Variants in POC5 observed in about 807,000 individuals in gnomAD.
POC5 encodes the protein centrosomal protein POC5.
POC5 carries 48 observed loss-of-function variants against 62.9 expected under a neutral mutation model. The ratio of observed to expected loss-of-function variants is 0.76; its 90% CI spans 0.61 to 0.97. POC5 has a LOEUF of 0.97. Ranked by LOEUF, POC5 falls within the 50% of genes least tolerant of loss-of-function variation. The pLI, the probability that POC5 is intolerant of heterozygous loss-of-function variation, is 0.00. For synonymous variants in POC5, 236 were observed against 228.2 expected (o/e 1.03, Z -0.31); for missense variants, 696 against 679.5 (o/e 1.02, Z -0.27).
At chr5:75,714,487 T>C (rs1450881120) in intron 1 of POC5, among the ~76,000 whole-genome samples, 1 of 152,028 alleles carries the variant, frequency 6.6e-6, no homozygotes, top group African/African-American at 2.4e-5. Flanking sequence ...GTCTAGGAAG[T>C]AGCAATGGGA....
At chr5:75,678,313 C>A (rs1775752130) in intron 10 of POC5, among the ~76,000 whole-genome samples, 1 of 151,978 alleles carries the variant, frequency 6.6e-6, no homozygotes, top group African/African-American at 2.4e-5. Context: ...ATAACAAAGT[C>A]AAAACCAGGA....
At chr5:75,701,931 T>C (rs10057967) in intron 5 of POC5, among the ~76,000 whole-genome samples, 63,827 of 151,946 alleles carry the variant, frequency 0.42, 13,750 homozygotes, top group South Asian at 0.56. Flanking sequence ...GAGACATTTC[T>C]ATTAGTCACA....
At chr5:75,694,581 A>G in intron 6 of POC5, 74 bp downstream of exon 6, 2 of 1,214,612 alleles carry the variant, frequency 1.6e-6, no homozygotes, top group Non-Finnish European at 2.2e-6. Flanking sequence ...GAGGTAAATA[A>G]TCATTTCTTA....
In POC5 at chr5:75,705,761, C is replaced by T; in HGVS notation, c.250G>A (p.Ala84Thr). 1 of 1,552,258 alleles carries T rather than the reference C, an allele frequency of 6.4e-7. No homozygotes were observed. Among genetic ancestry groups the T allele is most frequent in the East Asian group, 2.4e-5 (1 of 42,098 alleles). Residue 84 changes from alanine to threonine, a missense_variant, in exon 4 of 12, where the codon GCA becomes ACA. Transcript: ENST00000428202. ...TCACATCCTTTTCCAACTTCTATTG[C>T]AGTTTCTCTTACTTCAGAGTTATTT... ...QGNNSEVRET[A>T]IEVGKGCDFH...
At chr5:75,689,559 A>C (rs1035160147) in intron 8 of POC5, 1 of 983,186 alleles carries the variant, frequency 1.0e-6, no homozygotes, top group Admixed American at 6.1e-5. Flanking sequence ...TGCAATATTA[A>C]CAGAATTTTT....
At chr5:75,702,439 G>C (rs2307113) in intron 5 of POC5, among the ~76,000 whole-genome samples, 166 bp downstream of exon 5, 1 of 151,994 alleles carries the variant, frequency 6.6e-6, no homozygotes. Context: ...GCTATGATTC[G>C]TAAGTACATT....
intron 8 of POC5, 37 bp downstream of exon 8, chr5:75,690,346 T>C (rs1226975666): frequency 3.9e-6 from 6 of 1,545,192 alleles, no homozygotes; most frequent in South Asian, 1.2e-5. Context: ...CTTTTTATTG[T>C]ATTAGAAGAA....
chr5:75,674,265 A>T lies in POC5; in HGVS notation c.*170T>A. The T allele has an allele frequency of 2.0e-6, 1 of 500,250 alleles. No individual in the cohort carries two copies. The highest frequency in any genetic ancestry group is 3.3e-6 in the Non-Finnish European group (1 of 304,540). The allele number at this position is 500,250 out of a possible 1,614,324, so 31.0% of individuals were successfully genotyped here. ...AAAAAATAACATTAAAATAATTTCT[A>T]CATATAGTTACAAAGCATGGTAGAG... On this transcript the variant is annotated 3_prime_UTR_variant, in exon 12 of 12. Coordinates refer to ENST00000428202, the MANE Select transcript of POC5 (RefSeq NM_001099271.2).
At chr5:75,690,997 C>T (rs1399318701) in intron 7 of POC5, among the ~76,000 whole-genome samples, 3 of 152,162 alleles carry the variant, frequency 2.0e-5, no homozygotes, top group South Asian at 4.1e-4. Flanking sequence ...GTTTGATGGC[C>T]ACCACAAGCA....
intron 11 of POC5, among the ~76,000 whole-genome samples, chr5:75,676,091 A>G (rs1290747730): frequency 6.6e-6 from 1 of 152,242 alleles, no homozygotes; most frequent in Non-Finnish European, 1.5e-5. Flanking sequence ...ATCAGAAACA[A>G]GGGTTCTAAA....
intron 5 of POC5, among the ~76,000 whole-genome samples, chr5:75,701,599 T>G (rs376338953): frequency 7.3e-6 from 1 of 136,728 alleles, no homozygotes; most frequent in Non-Finnish European, 1.6e-5. Flanking sequence ...AGGGATAGCA[T>G]TGGGAGATAT....
chr5:75,695,285 A>G lies in POC5; in HGVS notation c.514-454T>C, dbSNP rs570800124. ...CTTGTTTTCCCAAGCCATTTATCAC[A>G]GATTATTATCTGTTATAATGGACTG... is the stretch of plus-strand genomic sequence containing the variant. On this transcript the variant is annotated intron_variant, in intron 5 of 11. Coordinates refer to ENST00000428202, the MANE Select transcript of POC5 (RefSeq NM_001099271.2). Among the ~76,000 whole-genome samples the G allele has an allele frequency of 4.6e-5, 7 of 152,358 alleles. No individual in the cohort carries two copies. In the East Asian group the frequency reaches 1.3e-3, roughly 29 times the overall value.
chr5:75,714,748 C>A (rs751068479), intron 1 of POC5, among the ~76,000 whole-genome samples: 13 of 152,062 alleles, frequency 8.5e-5, no homozygotes, highest in Non-Finnish European at 1.8e-4. Context: ...GGTAAAGCTG[C>A]AAGTATGCAG....
chr5:75,705,667 T>G (rs1777085499), intron 4 of POC5, 37 bp downstream of exon 4: 1 of 1,262,936 alleles, frequency 7.9e-7, no homozygotes, highest in Admixed American at 2.9e-5. Flanking sequence ...CACAAAATGT[T>G]GTATATTAAT....
chr5:75,681,631 TAA>T (rs753375527), intron 10 of POC5, among the ~76,000 whole-genome samples: 6,539 of 147,704 alleles, frequency 0.044, 469 homozygotes, highest in African/African-American at 0.15. Context: ...AATAATTTTT[TAA>T]AATAATAATA....
chr5:75,685,281 A>C lies in POC5; in HGVS notation c.1333T>G (p.Ser445Ala). The change falls in exon 10 of 12, where the codon TCC (serine) becomes GCC (alanine). Residue 445 changes from serine to alanine, a missense_variant. Ser to Ala is a moderately conservative substitution (Grantham distance 99, BLOSUM62 1). Coordinates refer to ENST00000428202, the MANE Select transcript of POC5 (RefSeq NM_001099271.2). ...ACAGGAACGTGAACAGAAGATGCGG[A>C]AGCAGCCCTGGTAGAAGTCATCGAA... ...AASMTSTRAASASSVHVPVSA... is the reference protein window; with the variant it reads ...AASMTSTRAAAASSVHVPVSA... The C allele has an allele frequency of 1.2e-6, 2 of 1,614,062 alleles. No individual in the cohort carries two copies. Among genetic ancestry groups the C allele is most frequent in the Non-Finnish European group, 1.7e-6 (2 of 1,179,900 alleles).
Position 75,694,722 on chromosome 5 carries a change from C to T in POC5, c.623G>A (p.Cys208Tyr), listed in dbSNP as rs1776485557. The T allele has an allele frequency of 6.2e-7, 1 of 1,605,582 alleles. No homozygotes were observed. Among genetic ancestry groups the T allele is most frequent in the Non-Finnish European group, 8.5e-7 (1 of 1,174,926 alleles). ...EKHAAHLKQLCNQINELKELQ... is the reference protein window; with the variant it reads ...EKHAAHLKQLYNQINELKELQ... ...CTCCTTCAATTCATTGATCTGATTA[C>T]ACAGTTGTTTTAAATGTGCTGCATG... Residue 208 changes from cysteine (C) to tyrosine (Y), a missense_variant, in exon 6 of 12, where the codon TGT becomes TAT. By Grantham distance (194) the Cys-to-Tyr change is radical. Coordinates refer to ENST00000428202, the MANE Select transcript of POC5 (RefSeq NM_001099271.2).
intron 4 of POC5, 155 bp downstream of exon 4, chr5:75,705,549 T>A: frequency 1.9e-6 from 1 of 530,386 alleles, no homozygotes; most frequent in Admixed American, 3.7e-5. Context: ...CTTATCAAAT[T>A]ATTTTAAATA....
intron 5 of POC5, among the ~76,000 whole-genome samples, 176 bp downstream of exon 5, chr5:75,702,429 G>A (rs1237400069): frequency 1.3e-5 from 2 of 152,086 alleles, no homozygotes; most frequent in Non-Finnish European, 2.9e-5. Flanking sequence ...ACAGGCTCCC[G>A]CTATGATTCG....
Sources: gnomAD v4.1 joint callset for allele counts (sites outside exome capture counted in the v4.1 genomes callset) on GRCh38, gnomAD v4.1.1 for gene constraint, MANE v1.5 for transcripts, NCBI Gene and HGNC (gene_info 2026-07-23, HGNC 2026-07-21) for gene names.